GFM1: variants seen among roughly 807,000 people sequenced by gnomAD.
GFM1 encodes the protein elongation factor G, mitochondrial.
In GFM1, 62 loss-of-function variants were observed where a neutral mutation model predicts 96.2. The ratio of observed to expected loss-of-function variants is 0.64; its 90% CI spans 0.53 to 0.80. The LOEUF is 0.80. Among genes scored for constraint, GFM1 ranks in the 30% least tolerant of loss-of-function variants. GFM1 has a pLI of 0.00. For missense variants in GFM1, 852 were observed against 916.6 expected (o/e 0.93, Z 0.91); for synonymous variants, 282 against 312.9 (o/e 0.90, Z 1.04).
At chr3:158,688,246 T>C (rs1269407765) in intron 15 of GFM1, among the ~76,000 whole-genome samples, 1 of 152,200 alleles carries the variant, frequency 6.6e-6, no homozygotes, top group Admixed American at 6.5e-5. Context: ...AAATTTCTTT[T>C]AGGACTTGGA....
At chr3:158,666,412 T>A in intron 13 of GFM1, 26 bp downstream of exon 13, 1 of 1,579,378 alleles carries the variant, frequency 6.3e-7, no homozygotes, top group Middle Eastern at 1.7e-4. Flanking sequence ...AATTAAACAT[T>A]ATGAGGCTGA....
intron 7 of GFM1, 97 bp from the exon 8 acceptor site, chr3:158,654,450 G>C (rs1256536825): frequency 1.5e-5 from 11 of 756,398 alleles, no homozygotes; most frequent in Admixed American, 4.3e-5. Flanking sequence ...TCCCACACAC[G>C]TGCTTTTTCT....
intron 13 of GFM1, among the ~76,000 whole-genome samples, chr3:158,668,264 A>G (rs1411008094): frequency 6.6e-6 from 1 of 152,190 alleles, no homozygotes; most frequent in Admixed American, 6.5e-5. Flanking sequence ...AATCATCTCT[A>G]GATTACTTAT....
chr3:158,644,946 C>A, intron 1 of GFM1: 1 of 465,472 alleles, frequency 2.1e-6, no homozygotes, highest in Non-Finnish European at 4.0e-6. Flanking sequence ...GTCTGTCACT[C>A]AGATACTTTG....
At position 158,691,773 on chromosome 3, in the gene GFM1, T is replaced by C. The variant is rs984144676; in HGVS notation, c.*306T>C. 62 of 267,076 alleles carry C rather than the reference T, an allele frequency of 2.3e-4. No homozygotes were observed. The highest frequency in any genetic ancestry group is 5.8e-5 in the Non-Finnish European group (8 of 137,256). 16.5% of individuals were successfully genotyped at this position (267,076 alleles called of 1,614,324 possible). A position where few individuals can be genotyped will look rare whatever the true frequency, so the allele number is the denominator to read the frequency against. On this transcript the variant is annotated 3_prime_UTR_variant, in exon 18 of 18. Transcript: ENST00000486715. ...GGGGAAAAGAGACTAATTTCAGTTA[T>C]ACTTTTAAGCTTAGAATGTATGTTC...
At chr3:158,653,542 T>C (rs1264591474) in intron 7 of GFM1, 75 bp downstream of exon 7, 30 of 1,102,352 alleles carry the variant, frequency 2.7e-5, no homozygotes, top group Non-Finnish European at 4.1e-5. Flanking sequence ...AATTTAAGGA[T>C]AGTTCTTTTA....
At chr3:158,682,242 G>A in intron 14 of GFM1, 85 bp downstream of exon 14, 1 of 1,147,548 alleles carries the variant, frequency 8.7e-7, no homozygotes, top group Non-Finnish European at 1.3e-6. Flanking sequence ...CTTCCATCAT[G>A]TTGTCTATCA....
chr3:158,656,206 T>C, intron 8 of GFM1: 1 of 220,240 alleles, frequency 4.5e-6, no homozygotes, highest in African/African-American at 2.4e-5. Context: ...CAGGCTGGAG[T>C]GCAATGGCAC....
chr3:158,652,163 C>A lies in GFM1; in HGVS notation c.757C>A (p.Leu253Ile), dbSNP rs757551544. 1.2e-6 allele frequency: 2 copies of A among 1,613,716 alleles called. No individual in the cohort carries two copies. Among genetic ancestry groups the A allele is most frequent in the South Asian group, 2.2e-5 (2 of 91,072 alleles). Residue 253 changes from leucine (L) to isoleucine (I), a missense_variant, in exon 6 of 18, where the codon CTA (leucine) becomes ATA (isoleucine). Physicochemically the swap from Leu to Ile is conservative, Grantham distance 5. Transcript: ENST00000486715. Reference sequence around the variant, plus strand: ...GGCGGCCACTGACCACCGGCAGGAGCTAATTGAATGTGTTGCCAATTCAGA... The same window carrying A: ...GGCGGCCACTGACCACCGGCAGGAGATAATTGAATGTGTTGCCAATTCAGA... ...RAAATDHRQE[L>I]IECVANSDEQ...
At chr3:158,671,072 C>A in intron 13 of GFM1, 1 of 1,424,568 alleles carries the variant, frequency 7.0e-7, no homozygotes, top group Non-Finnish European at 9.2e-7. Flanking sequence ...CAACATTATA[C>A]TTGCATTGTT....
chr3:158,689,498 T>C (rs1435337729), intron 15 of GFM1, among the ~76,000 whole-genome samples: 1 of 152,162 alleles, frequency 6.6e-6, no homozygotes, highest in African/African-American at 2.4e-5. Context: ...CCACGTCCCC[T>C]CCTGCCCTGT....
rs1317858752 is a variant in GFM1, at chr3:158,692,302, T to C, written c.*835T>C. 1 of 152,250 alleles carries C rather than the reference T, an allele frequency of 6.6e-6. No homozygotes were observed. The highest frequency in any genetic ancestry group is 1.5e-5 in the Non-Finnish European group (1 of 68,040). 9.4% of individuals were successfully genotyped at this position (152,250 alleles called of 1,614,324 possible). A position where few individuals can be genotyped will look rare whatever the true frequency, so the allele number is the denominator to read the frequency against. ...GTTTGTGTTCATCTTAATGTTTTTGTACAGCTAAATCAAATGTAATTTATA... is the reference window on the plus strand; with the variant it reads ...GTTTGTGTTCATCTTAATGTTTTTGCACAGCTAAATCAAATGTAATTTATA... On this transcript the variant is annotated 3_prime_UTR_variant, in exon 18 of 18. Transcript: ENST00000486715.
intron 13 of GFM1, among the ~76,000 whole-genome samples, chr3:158,675,683 A>G (rs889617184): frequency 1.3e-5 from 2 of 152,206 alleles, no homozygotes; most frequent in African/African-American, 4.8e-5. Flanking sequence ...TTTTAATCTT[A>G]TAAAATTATG....
chr3:158,682,077 G>C lies in GFM1; in HGVS notation c.1684G>C (p.Glu562Gln). 1 of 1,613,558 alleles carries C rather than the reference G, an allele frequency of 6.2e-7. No individual in the cohort carries two copies. Among genetic ancestry groups the C allele is most frequent in the Non-Finnish European group, 8.5e-7 (1 of 1,179,620 alleles). The change falls in exon 14 of 18, where the codon GAG becomes CAG. Residue 562 changes from glutamate (E) to glutamine (Q), a missense_variant. By Grantham distance (29) the Glu-to-Gln change is conservative. Transcript: ENST00000486715. ...AGGTGTCCTGGAGCCTCTGGACCCA[G>C]AGGACTACACTAAATTGGAATTTTC... is the stretch of plus-strand genomic sequence containing the variant. ...VIGVLEPLDP[E>Q]DYTKLEFSDE...
At chr3:158,679,594 A>C (rs991028164) in intron 13 of GFM1, among the ~76,000 whole-genome samples, 14 of 152,168 alleles carry the variant, frequency 9.2e-5, no homozygotes, top group African/African-American at 3.1e-4. Flanking sequence ...TTCTCCTCTT[A>C]AGGCTTTTTC....
intron 7 of GFM1, among the ~76,000 whole-genome samples, chr3:158,653,701 G>T (rs187021781): frequency 4.0e-5 from 6 of 151,642 alleles, no homozygotes; most frequent in African/African-American, 7.3e-5. Context: ...CTCTCTCAAG[G>T]TTTACATCAT....
chr3:158,644,544 TG>T lies in GFM1; in HGVS notation c.-90del. 2.0e-6 allele frequency: 2 copies of T among 1,018,086 alleles called. No homozygotes were observed. Among genetic ancestry groups the T allele is most frequent in the Middle Eastern group, 2.9e-4 (1 of 3,404 alleles). 63.1% of individuals were successfully genotyped at this position (1,018,086 alleles called of 1,614,324 possible). ...CCGGAAGTGCTCTTACAACATTGGC[TG>T]CCGGCGTGACTTTGACCGCTTCCCG... On this transcript the variant is annotated 5_prime_UTR_variant, in exon 1 of 18. Coordinates refer to ENST00000486715, the MANE Select transcript of GFM1 (RefSeq NM_024996.7).
At chr3:158,687,574 T>C (rs1358588980) in intron 15 of GFM1, among the ~76,000 whole-genome samples, 1 of 151,786 alleles carries the variant, frequency 6.6e-6, no homozygotes, top group Non-Finnish European at 1.5e-5. Flanking sequence ...TTCAAGCAAT[T>C]CTCCTGCCTC....
At chr3:158,672,669 C>A in intron 13 of GFM1, 1 of 593,336 alleles carries the variant, frequency 1.7e-6, no homozygotes, top group Non-Finnish European at 2.8e-6. Flanking sequence ...TCCCTGCATC[C>A]GAGAGCCCTG....
Sources: gnomAD v4.1 joint callset for allele counts (sites outside exome capture counted in the v4.1 genomes callset) on GRCh38, gnomAD v4.1.1 for gene constraint, MANE v1.5 for transcripts, NCBI Gene and HGNC (gene_info 2026-07-23, HGNC 2026-07-21) for gene names.